The following NCAM1 variants were observed in gnomAD, a reference collection of about 807,000 sequenced individuals.
NCAM1 encodes neural cell adhesion molecule 1, also known as antigen recognized by monoclonal antibody 5.1H11.
NCAM1 carries 14 observed loss-of-function variants against 109.8 expected under a neutral mutation model. That is an observed-to-expected ratio of 0.13 (90% CI 0.08 to 0.20). NCAM1 has a LOEUF of 0.20. Ranked by LOEUF, NCAM1 falls within the 10% of genes least tolerant of loss-of-function variation. The pLI is 1.00. For synonymous variants in NCAM1, 418 were observed against 442.9 expected, an observed-to-expected ratio of 0.94 and a Z score of 0.70; for missense variants, 774 against 1,109.9, an observed-to-expected ratio of 0.70 and a Z score of 4.30.
Position 113,056,019 on chromosome 11 carries a change from AT to A in NCAM1, c.52+94356del, listed in dbSNP as rs1953698639. ...TATATATATATATATATATATATATATATATAAAATATATATATTATATATA... is the reference window on the plus strand; with the variant it reads ...TATATATATATATATATATATATATAATATAAAATATATATATTATATATA... On this transcript the variant is annotated intron_variant, in intron 1 of 19. Transcript: ENST00000316851. 8.8e-5 allele frequency among the ~76,000 whole-genome samples: 11 copies of A among 124,860 alleles called. 1 individual carries two copies. The highest frequency in any genetic ancestry group is 2.1e-4 in the African/African-American group (7 of 33,832). 81.9% of individuals were successfully genotyped at this position (124,860 alleles called of 152,430 possible).
chr11:113,247,177 CAGA>C (rs1374538590), intron 15 of NCAM1, among the ~76,000 whole-genome samples: 1 of 152,148 alleles, frequency 6.6e-6, no homozygotes, highest in Non-Finnish European at 1.5e-5. Flanking sequence ...TCTCGCTTAC[CAGA>C]AGGAGAGAAG....
chr11:113,012,185 A>G lies in NCAM1; in HGVS notation c.52+50521A>G, dbSNP rs537904579. ...AAGCGCGCACCTTCATGCCTGGCTA[A>G]TTTTTGTATTTTTAGTAGAGATGGG... On this transcript the variant is annotated intron_variant, in intron 1 of 19. Coordinates refer to ENST00000316851, the MANE Select transcript of NCAM1 (RefSeq NM_181351.5). Among the ~76,000 whole-genome samples, 366 of 152,006 alleles carry G rather than the reference A, an allele frequency of 2.4e-3. 2 individuals are homozygous for G. The highest frequency in any genetic ancestry group is 5.8e-4 in the East Asian group (3 of 5,144).
At chr11:113,220,940 A>T (rs191441231) in intron 8 of NCAM1, among the ~76,000 whole-genome samples, 86 of 152,220 alleles carry the variant, frequency 5.6e-4, no homozygotes, top group African/African-American at 2.0e-3. Flanking sequence ...GTGTCTCTAG[A>T]TAATGTGGTT....
At position 113,277,456 on chromosome 11, in the gene NCAM1, A is replaced by C. The variant is rs963160994; in HGVS notation, c.*2069A>C. ...AATGCACAGGCCCTCAGAATAGAGG[A>C]ACATGAAGAGAGATCTTAGAGCACA... On this transcript the variant is annotated 3_prime_UTR_variant, in exon 20 of 20. Transcript: ENST00000316851. 2.5e-5 allele frequency: 10 copies of C among 398,950 alleles called. No homozygotes were observed. The highest frequency in any genetic ancestry group is 1.6e-4 in the African/African-American group (8 of 48,624). 24.7% of individuals were successfully genotyped at this position (398,950 alleles called of 1,614,324 possible). A position where few individuals can be genotyped will look rare whatever the true frequency, so the allele number is the denominator to read the frequency against.
At chr11:113,231,207 A>G (rs982060994) in intron 9 of NCAM1, 1 of 1,536,162 alleles carries the variant, frequency 6.5e-7, no homozygotes, top group Non-Finnish European at 8.7e-7. Flanking sequence ...TACATGCACC[A>G]TGGAACTGGC....
At chr11:113,031,310 A>G (rs1952705717) in intron 1 of NCAM1, among the ~76,000 whole-genome samples, 1 of 152,310 alleles carries the variant, frequency 6.6e-6, no homozygotes, top group Non-Finnish European at 1.5e-5. Context: ...TAGGAACACT[A>G]GACAGCACTT....
rs1471990939 is a variant in NCAM1 at position 113,273,663 on chromosome 11, C to T, written c.2457-1604C>T. 9 of 456,118 alleles carry T rather than the reference C, an allele frequency of 2.0e-5. No individual in the cohort carries two copies. Among genetic ancestry groups the T allele is most frequent in the Admixed American group, 1.4e-4 (6 of 42,546 alleles). The allele number at this position is 456,118 out of a possible 1,614,324, so 28.3% of individuals were successfully genotyped here. ...TTTTGCAGCCCTGGGCTCTCCTGCT[C>T]CCGCCGCTGGGGCCAGTGGACAAGC... On this transcript the variant is annotated intron_variant, in intron 19 of 19. Transcript: ENST00000316851. The surrounding 1 kb of genome is among the most constrained non-coding windows in gnomAD (Gnocchi z 6.0).
rs782700835 is a variant in NCAM1, at chr11:113,204,486, G to T, written c.328G>T (p.Val110Phe). 1 of 1,613,942 alleles carries T rather than the reference G, an allele frequency of 6.2e-7. No individual in the cohort carries two copies. The highest frequency in any genetic ancestry group is 8.5e-7 in the Non-Finnish European group (1 of 1,179,870). ...GEDGSESEAT[V>F]NVKIFQKLMF... The stretch of plus-strand genomic sequence containing the variant: ...GGATGGCAGTGAGTCAGAGGCCACC[G>T]TCAACGTGAAGATCTTTCGTAAGAG... The change falls in exon 3 of 20, where the codon GTC (valine) becomes TTC (phenylalanine). Residue 110 changes from valine to phenylalanine, a missense_variant. Val to Phe is a conservative substitution (Grantham distance 50). This residue lies in a region of NCAM1 where 112 missense variants were observed against 142.0 expected (regional missense o/e 0.79). Transcript: ENST00000316851.
intron 14 of NCAM1, chr11:113,240,795 C>T: frequency 1.2e-6 from 2 of 1,613,648 alleles, no homozygotes; most frequent in Non-Finnish European, 8.5e-7. Context: ...GCGGCATCTG[C>T]TAGCTCGTCT....
At chr11:113,126,218 T>A (rs1363913266) in intron 1 of NCAM1, among the ~76,000 whole-genome samples, 1 of 150,548 alleles carries the variant, frequency 6.6e-6, no homozygotes, top group East Asian at 2.0e-4. Context: ...CAAATAATAA[T>A]AATAATATAC....
chr11:113,125,352 A>T (rs558289172), intron 1 of NCAM1, among the ~76,000 whole-genome samples: 1 of 152,332 alleles, frequency 6.6e-6, no homozygotes, highest in Non-Finnish European at 1.5e-5. Context: ...CCCTAACACC[A>T]TTTCCTCCAG....
intron 1 of NCAM1, among the ~76,000 whole-genome samples, chr11:113,028,013 G>A (rs781808478): frequency 1.3e-5 from 2 of 152,156 alleles, no homozygotes; most frequent in Non-Finnish European, 2.9e-5. Context: ...TAGAAGCAGA[G>A]AATAGAATAG....
chr11:113,106,118 A>G (rs1210205642), intron 1 of NCAM1, among the ~76,000 whole-genome samples: 2 of 152,172 alleles, frequency 1.3e-5, no homozygotes, highest in Non-Finnish European at 2.9e-5. Flanking sequence ...GAAAAAAAAC[A>G]AGTCCTGTCT....
chr11:113,229,454 G>T (rs1418737118), intron 9 of NCAM1, among the ~76,000 whole-genome samples: 1 of 152,178 alleles, frequency 6.6e-6, no homozygotes, highest in Non-Finnish European at 1.5e-5. Context: ...AGAGGATGTG[G>T]AGAAATAGGA....
At chr11:113,167,555 A>AT (rs3051904) in intron 1 of NCAM1, among the ~76,000 whole-genome samples, 1 of 150,566 alleles carries the variant, frequency 6.6e-6, no homozygotes, top group Admixed American at 6.6e-5. Flanking sequence ...AAAAAAAAAA[A>AT]TCACCAAACT....
intron 15 of NCAM1, among the ~76,000 whole-genome samples, chr11:113,246,909 G>C (rs1462497413): frequency 6.6e-6 from 1 of 152,214 alleles, no homozygotes; most frequent in Non-Finnish European, 1.5e-5. Flanking sequence ...TGAAATAAGA[G>C]ATTTAAGAAT....
chr11:113,131,859 C>T lies in NCAM1; in HGVS notation c.53-70520C>T, dbSNP rs558168094. ...AGCCACGTGGTTATGGCTTACTGGT[C>T]GGGAGATGAGGAAATGAAGTCTAGC... On this transcript the variant is annotated intron_variant, in intron 1 of 19. Transcript: ENST00000316851. Among the ~76,000 whole-genome samples, 172 of 152,232 alleles carry T rather than the reference C, an allele frequency of 1.1e-3. 1 individual carries two copies. The highest frequency in any genetic ancestry group is 9.3e-3 in the South Asian group (45 of 4,818).
chr11:113,121,014 T>G (rs1179739415), intron 1 of NCAM1, among the ~76,000 whole-genome samples: 45 of 152,132 alleles, frequency 3.0e-4, no homozygotes, highest in Admixed American at 2.9e-3. Context: ...ATATGAGTTT[T>G]CATCTTTCCT....
rs1565349049 is a variant in NCAM1 at position 112,961,561 on chromosome 11, G to GT, written c.-52_-51insT. 8.6e-7 allele frequency: 1 copy of GT among 1,158,330 alleles called. No homozygotes were observed. Among genetic ancestry groups the GT allele is most frequent in the Non-Finnish European group, 1.3e-6 (1 of 765,374 alleles). 71.8% of individuals were successfully genotyped at this position (1,158,330 alleles called of 1,614,324 possible). On this transcript the variant is annotated 5_prime_UTR_variant, in exon 1 of 20. Coordinates refer to ENST00000316851, the MANE Select transcript of NCAM1 (RefSeq NM_181351.5). ...GCCGTCCACACTCGCTGCAGGGGGGGGGGCACAGAATTTACCGCGGCAAGA... is the reference window on the plus strand; with the variant it reads ...GCCGTCCACACTCGCTGCAGGGGGGGTGGGCACAGAATTTACCGCGGCAAGA...
Sources: allele counts gnomAD v4.1 joint callset (sites outside exome capture counted in the v4.1 genomes callset), GRCh38; gene constraint gnomAD v4.1.1; regional missense constraint gnomAD v4.1.1; non-coding constraint Gnocchi (gnomAD v3.1); transcripts MANE v1.5; gene names NCBI Gene and HGNC (gene_info 2026-07-23, HGNC 2026-07-21).